Variants in RAI1 observed in about 807,000 individuals in gnomAD.
RAI1 encodes the protein retinoic acid induced 1.
Under a neutral mutation model 123.8 loss-of-function variants are expected in RAI1, and 9 were observed. That is an observed-to-expected ratio of 0.07 (90% CI 0.04 to 0.13). The LOEUF is 0.13. RAI1 is among the 10% of genes least tolerant of loss of function. The pLI, the probability that RAI1 is intolerant of heterozygous loss-of-function variation, is 1.00. For synonymous variants in RAI1, 1,231 were observed against 1,127.3 expected (o/e 1.09, Z -1.84); for missense variants, 2,256 against 2,545.8 (o/e 0.89, Z 2.45).
In RAI1 at chr17:17,758,452, C is replaced by T. The variant is rs189306279; in HGVS notation, c.-17+34293C>T. 4.7e-3 allele frequency among the ~76,000 whole-genome samples: 710 copies of T among 152,312 alleles called. 7 individuals are homozygous for T. The highest frequency in any genetic ancestry group is 7.9e-3 in the Non-Finnish European group (536 of 68,030). On this transcript the variant is annotated intron_variant, in intron 2 of 5. Coordinates refer to ENST00000353383, the MANE Select transcript of RAI1 (RefSeq NM_030665.4). ...AGCACCTATGGACAGGGACGGGCTCCGGGAGCCTCCCTTCCTTGCTGCCCT... is the reference window on the plus strand; with the variant it reads ...AGCACCTATGGACAGGGACGGGCTCTGGGAGCCTCCCTTCCTTGCTGCCCT...
chr17:17,782,474 C>A (rs1567901446), intron 2 of RAI1, among the ~76,000 whole-genome samples: 1 of 151,824 alleles, frequency 6.6e-6, no homozygotes, highest in Non-Finnish European at 1.5e-5. Context: ...GCGCCCGGGC[C>A]CCCTCTGCAC....
chr17:17,810,065 C>G lies in RAI1; in HGVS notation c.*84C>G. On this transcript the variant is annotated 3_prime_UTR_variant, in exon 6 of 6. Coordinates refer to ENST00000353383, the MANE Select transcript of RAI1 (RefSeq NM_030665.4). This position sits in a 1 kb window ranked among gnomAD's most constrained non-coding sequence, Gnocchi z 4.6. ...GGAGAGGAGCCGCCTGCGCAGCCCC[C>G]GGGCCTTTGAGCTGCTCCCAGCGCT... The G allele has an allele frequency of 1.3e-6, 2 of 1,520,986 alleles. No individual in the cohort carries two copies. The highest frequency in any genetic ancestry group is 8.8e-7 in the Non-Finnish European group (1 of 1,131,084). The allele number at this position is 1,520,986 out of a possible 1,614,324, so 94.2% of individuals were successfully genotyped here. A position where few individuals can be genotyped will look rare whatever the true frequency, so the allele number is the denominator to read the frequency against.
At chr17:17,749,679 T>A (rs1264001900) in intron 2 of RAI1, among the ~76,000 whole-genome samples, 1 of 152,190 alleles carries the variant, frequency 6.6e-6, no homozygotes, top group African/African-American at 2.4e-5. Flanking sequence ...CCTGGAACTC[T>A]CTCTCCTCCT....
intron 2 of RAI1, among the ~76,000 whole-genome samples, chr17:17,742,986 G>C (rs1248190133): frequency 6.6e-6 from 1 of 152,142 alleles, no homozygotes; most frequent in Non-Finnish European, 1.5e-5. Flanking sequence ...CTTCATTCCA[G>C]TCCCTGATTT....
intron 1 of RAI1, among the ~76,000 whole-genome samples, chr17:17,682,106 A>G (rs1030248008): frequency 6.7e-6 from 1 of 148,764 alleles, no homozygotes; most frequent in African/African-American, 2.5e-5. Flanking sequence ...CGAGTGTGGC[A>G]AGGGATCTGC....
intron 1 of RAI1, among the ~76,000 whole-genome samples, chr17:17,712,180 T>A (rs569325966): frequency 6.6e-6 from 1 of 152,276 alleles, no homozygotes; most frequent in African/African-American, 2.4e-5. Context: ...AAATAGTCAC[T>A]GAGCTGCAAC....
At chr17:17,780,927 G>C (rs370575245) in intron 2 of RAI1, among the ~76,000 whole-genome samples, 1 of 152,146 alleles carries the variant, frequency 6.6e-6, no homozygotes, top group East Asian at 1.9e-4. Flanking sequence ...GGAGTGTCCC[G>C]GGCCCAGCAC....
intron 1 of RAI1, among the ~76,000 whole-genome samples, chr17:17,707,984 G>A (rs912955942): frequency 6.6e-6 from 1 of 152,126 alleles, no homozygotes; most frequent in Non-Finnish European, 1.5e-5. Context: ...AGGAGTTGAG[G>A]GGGCCAGACA....
At chr17:17,699,787 C>T (rs1915156958) in intron 1 of RAI1, among the ~76,000 whole-genome samples, 1 of 152,208 alleles carries the variant, frequency 6.6e-6, no homozygotes, top group Non-Finnish European at 1.5e-5. Flanking sequence ...GCCCACCCAG[C>T]CCACCAGCTG....
At chr17:17,694,571 A>G (rs1914947648) in intron 1 of RAI1, among the ~76,000 whole-genome samples, 1 of 151,848 alleles carries the variant, frequency 6.6e-6, no homozygotes, top group Non-Finnish European at 1.5e-5. Context: ...CCCGACCTCG[A>G]GAAGGGGCGG....
chr17:17,772,586 C>T (rs188113104), intron 2 of RAI1, among the ~76,000 whole-genome samples: 103 of 152,356 alleles, frequency 6.8e-4, no homozygotes, highest in Admixed American at 3.1e-3. Flanking sequence ...CACTTCCACT[C>T]GAGAGCCAGC....
intron 1 of RAI1, among the ~76,000 whole-genome samples, chr17:17,692,932 A>G (rs982516466): frequency 1.1e-4 from 16 of 152,226 alleles, no homozygotes; most frequent in Non-Finnish European, 1.6e-4. Context: ...CTCTGTGCCT[A>G]TCAGTGTTGG....
At chr17:17,802,585 G>A (rs1027006314) in intron 3 of RAI1, among the ~76,000 whole-genome samples, 2 of 151,754 alleles carry the variant, frequency 1.3e-5, no homozygotes, top group Non-Finnish European at 2.9e-5. Flanking sequence ...GACCATCCTG[G>A]CTAACACGGA....
chr17:17,804,457 A>T (rs1051960044), intron 4 of RAI1, among the ~76,000 whole-genome samples: 2 of 152,202 alleles, frequency 1.3e-5, no homozygotes, highest in Non-Finnish European at 2.9e-5. Context: ...GGGCACACAG[A>T]ATGACCGTGC....
At chr17:17,782,754 C>T (rs917441409) in intron 2 of RAI1, among the ~76,000 whole-genome samples, 6 of 151,972 alleles carry the variant, frequency 3.9e-5, no homozygotes, top group African/African-American at 1.4e-4. Context: ...CCCGGCGAGC[C>T]GGGCGCACCT....
intron 2 of RAI1, among the ~76,000 whole-genome samples, chr17:17,729,134 G>A (rs1386787450): frequency 1.3e-5 from 2 of 152,170 alleles, no homozygotes; most frequent in Non-Finnish European, 2.9e-5. Context: ...CTGGCTCATG[G>A]TTCCACAGCA....
Position 17,797,796 on chromosome 17 carries a change from C to T in RAI1, c.4848C>T (p.Ser1616=), listed in dbSNP as rs201088448. 4 of 1,614,056 alleles carry T rather than the reference C, an allele frequency of 2.5e-6. No homozygotes were observed. In the East Asian group the frequency reaches 6.7e-5, roughly 27 times the overall value. The part of the protein sequence containing the change: ...AFTTICTVVN[S]PGDAPKPHRK... Reference sequence around the variant, plus strand: ...CCACCATATGCACTGTTGTCAACTCCCCTGGAGATGCGCCCAAGCCCCACA... The same window carrying T: ...CCACCATATGCACTGTTGTCAACTCTCCTGGAGATGCGCCCAAGCCCCACA... Residue 1616 remains serine, a synonymous_variant, in exon 3 of 6, where the codon TCC becomes TCT. Transcript: ENST00000353383.
In RAI1 at chr17:17,793,792, CA is replaced by C; in HGVS notation, c.845del (p.Gln282ArgfsTer82). ...GRLSYDQQQQ[Q>X]QQQQQQQQQA... is the part of the protein sequence containing the mutation. ...CCTCAGCTATGACCAGCAGCAGCAG[CA>C]GCAGCAGCAGCAGCAGCAGCAGCAG... On this transcript the variant is annotated frameshift_variant, in exon 3 of 6. Coordinates refer to ENST00000353383, the MANE Select transcript of RAI1 (RefSeq NM_030665.4). LOFTEE classifies it high-confidence loss of function. The C allele has an allele frequency of 6.5e-7, 1 of 1,528,170 alleles. No individual in the cohort carries two copies. Among genetic ancestry groups the C allele is most frequent in the Non-Finnish European group, 8.9e-7 (1 of 1,125,678 alleles). The allele number at this position is 1,528,170 out of a possible 1,614,324, so 94.7% of individuals were successfully genotyped here.
chr17:17,692,578 C>T (rs1914877580), intron 1 of RAI1, among the ~76,000 whole-genome samples: 1 of 152,252 alleles, frequency 6.6e-6, no homozygotes, highest in African/African-American at 2.4e-5. Flanking sequence ...GCCCTGCCTG[C>T]TGCTTACCCC....
Sources: allele counts gnomAD v4.1 joint callset (sites outside exome capture counted in the v4.1 genomes callset), GRCh38; gene constraint gnomAD v4.1.1; non-coding constraint Gnocchi (gnomAD v3.1); transcripts MANE v1.5; gene names NCBI Gene and HGNC (gene_info 2026-07-23, HGNC 2026-07-21).